ASAH2: variants seen among roughly 807,000 people sequenced by gnomAD.
ASAH2 encodes neutral ceramidase.
In ASAH2, 58 loss-of-function variants were observed where a neutral mutation model predicts 82.9. The observed-to-expected ratio is 0.70, with a 90% confidence interval of 0.57 to 0.87. ASAH2 has a LOEUF of 0.87. Ranked by LOEUF, ASAH2 falls within the 40% of genes least tolerant of loss-of-function variation. ASAH2 has a pLI of 0.00. For synonymous variants in ASAH2, 276 were observed against 289.7 expected (o/e 0.95, Z 0.48); for missense variants, 779 against 834.0 (o/e 0.93, Z 0.81).
chr10:50,234,584 G>A, intron 5 of ASAH2, 32 bp from the exon 6 acceptor site: 1 of 1,612,246 alleles, frequency 6.2e-7, no homozygotes. Context: ...GATGTTATAA[G>A]CTTAGAAATC....
At chr10:50,210,267 G>A (rs1014162414) in intron 12 of ASAH2, among the ~76,000 whole-genome samples, 4 of 152,160 alleles carry the variant, frequency 2.6e-5, no homozygotes, top group Admixed American at 1.3e-4. Context: ...CTGGGAGGCT[G>A]AGGCGGGCGG....
chr10:50,194,264 T>C (rs1844916309), intron 18 of ASAH2, among the ~76,000 whole-genome samples: 1 of 151,310 alleles, frequency 6.6e-6, no homozygotes, highest in Admixed American at 6.6e-5. Flanking sequence ...CTACAATATA[T>C]CAGCAAATCA....
intron 18 of ASAH2, among the ~76,000 whole-genome samples, chr10:50,194,427 AACAC>A (rs1338071224): frequency 6.6e-6 from 1 of 151,788 alleles, no homozygotes; most frequent in Non-Finnish European, 1.5e-5. Context: ...GCAAAACTCC[AACAC>A]TGATTTCTGA....
At chr10:50,216,966 T>A (rs1391749811) in intron 8 of ASAH2, among the ~76,000 whole-genome samples, 1 of 152,188 alleles carries the variant, frequency 6.6e-6, no homozygotes, top group Non-Finnish European at 1.5e-5. Flanking sequence ...ATGTGGTTTA[T>A]TCCTGCCAAA....
At chr10:50,211,550 T>C (rs1845454567) in intron 10 of ASAH2, among the ~76,000 whole-genome samples, 1 of 152,144 alleles carries the variant, frequency 6.6e-6, no homozygotes, top group African/African-American at 2.4e-5. Flanking sequence ...TGCAGCAGGT[T>C]GGGGACAAAG....
chr10:50,211,180 G>T (rs1845445674), intron 10 of ASAH2, 46 bp from the exon 11 acceptor site: 1 of 1,339,046 alleles, frequency 7.5e-7, no homozygotes, highest in Non-Finnish European at 1.1e-6. Flanking sequence ...AGGCTAAAGT[G>T]ATCATCTCCA....
At chr10:50,206,236 G>GT in intron 12 of ASAH2, 139 bp from the exon 13 acceptor site, 2 of 725,932 alleles carry the variant, frequency 2.8e-6, no homozygotes, top group Admixed American at 4.4e-5. Context: ...ATTCCAAACA[G>GT]TTTGAGTAAT....
chr10:50,235,854 T>C, intron 5 of ASAH2, 34 bp downstream of exon 5: 1 of 1,608,756 alleles, frequency 6.2e-7, no homozygotes, highest in African/African-American at 1.3e-5. Context: ...TAAGCAATGG[T>C]AAAGAACAGC....
chr10:50,241,003 C>A (rs943712531), intron 4 of ASAH2, among the ~76,000 whole-genome samples: 1 of 152,226 alleles, frequency 6.6e-6, no homozygotes, highest in Non-Finnish European at 1.5e-5. Flanking sequence ...ATACAATGCA[C>A]TGTAGCTTCC....
intron 13 of ASAH2, 37 bp downstream of exon 13, chr10:50,205,945 A>G (rs777435497): frequency 1.7e-4 from 241 of 1,453,212 alleles, no homozygotes; most frequent in Non-Finnish European, 2.2e-4. Context: ...AAAAATAACA[A>G]TATGCTAATT....
At chr10:50,240,490 C>T in intron 4 of ASAH2, 1 of 702,210 alleles carries the variant, frequency 1.4e-6, no homozygotes, top group South Asian at 1.5e-5. Flanking sequence ...GCTTAATCAT[C>T]CTAAAACAAA....
rs1259270165 is a variant in ASAH2, at chr10:50,187,116, T to TCACA, written c.*198_*199insTGTG. 473 of 229,646 alleles carry TCACA rather than the reference T, an allele frequency of 2.1e-3. No individual in the cohort carries two copies. The highest frequency in any genetic ancestry group is 5.9e-3 in the African/African-American group (154 of 26,020). 14.2% of individuals were successfully genotyped at this position (229,646 alleles called of 1,614,324 possible). ...CTCTCTCTCTCTCTCTCTCTCTCTC[T>TCACA]CTCACACACACACACACACACACAC... On this transcript the variant is annotated 3_prime_UTR_variant, in exon 21 of 21. Transcript: ENST00000682911.
intron 16 of ASAH2, among the ~76,000 whole-genome samples, chr10:50,202,465 A>G (rs1469799198): frequency 6.6e-6 from 1 of 152,122 alleles, no homozygotes; most frequent in African/African-American, 2.4e-5. Context: ...CAGTGCATTC[A>G]ATAAACAGCT....
chr10:50,213,008 T>C lies in ASAH2; in HGVS notation c.1191A>G (p.Thr397=), dbSNP rs1297960587. 15 of 1,613,718 alleles carry C rather than the reference T, an allele frequency of 9.3e-6. No homozygotes were observed. Among genetic ancestry groups the C allele is most frequent in the Non-Finnish European group, 1.3e-5 (15 of 1,179,756 alleles). Residue 397 remains threonine, a synonymous_variant, in exon 10 of 21, where the codon ACA becomes ACG. Transcript: ENST00000682911. The stretch of plus-strand genomic sequence containing the variant: ...GATACATGGCCCGTCCTATAATTTG[T>C]GTGCTGTCAAACATATCCTGTCCAG... The part of the protein sequence containing the change: ...KGPGQDMFDS[T]QIIGRAMYQR...
At chr10:50,247,207 C>T (rs1215446046) in intron 2 of ASAH2, among the ~76,000 whole-genome samples, 1 of 151,654 alleles carries the variant, frequency 6.6e-6, no homozygotes, top group Non-Finnish European at 1.5e-5. Context: ...GACTGGAGTG[C>T]AGTGGCGTGA....
chr10:50,212,744 T>C (rs1845490617), intron 10 of ASAH2, among the ~76,000 whole-genome samples: 1 of 152,170 alleles, frequency 6.6e-6, no homozygotes, highest in South Asian at 2.1e-4. Flanking sequence ...TTTTCCTGAT[T>C]ACTTGGTTTT....
chr10:50,216,470 A>G (rs1450703629), intron 8 of ASAH2, among the ~76,000 whole-genome samples: 1 of 152,244 alleles, frequency 6.6e-6, no homozygotes, highest in African/African-American at 2.4e-5. Flanking sequence ...TTTTAACCAG[A>G]AACACTGTGT....
intron 7 of ASAH2, among the ~76,000 whole-genome samples, chr10:50,222,521 C>T (rs1845776355): frequency 6.6e-6 from 1 of 152,156 alleles, no homozygotes; most frequent in Non-Finnish European, 1.5e-5. Context: ...CTCAAGCGAT[C>T]CTCCTGCCTC....
intron 12 of ASAH2, among the ~76,000 whole-genome samples, chr10:50,207,092 G>T (rs985107794): frequency 0.032 from 4,797 of 151,874 alleles, 139 homozygotes; most frequent in Middle Eastern, 0.14. Flanking sequence ...AATCAAGGAA[G>T]AAATCAAAGG....
Sources: gnomAD v4.1 joint callset for allele counts (sites outside exome capture counted in the v4.1 genomes callset) on GRCh38, gnomAD v4.1.1 for gene constraint, MANE v1.5 for transcripts, NCBI Gene and HGNC (gene_info 2026-07-23, HGNC 2026-07-21) for gene names.